FHIT: variants seen among roughly 807,000 people sequenced by gnomAD.
FHIT encodes fragile histidine triad diadenosine triphosphatase.
A neutral mutation model predicts 17.9 loss-of-function variants in FHIT; 19 were observed. That is an observed-to-expected ratio of 1.06 (90% CI 0.74 to 1.56). The LOEUF is 1.56. FHIT is among the 40% of genes most tolerant of loss of function. FHIT has a pLI of 0.00. For missense variants in FHIT, 248 were observed against 189.2 expected, an observed-to-expected ratio of 1.31 and a Z score of -1.82; for synonymous variants, 81 against 69.7, an observed-to-expected ratio of 1.16 and a Z score of -0.81.
At chr3:60,513,600 A>C (rs1375187833) in intron 5 of FHIT, among the ~76,000 whole-genome samples, 1 of 152,180 alleles carries the variant, frequency 6.6e-6, no homozygotes, top group Non-Finnish European at 1.5e-5. Flanking sequence ...ATCCTCAGCA[A>C]ACACACACAG....
chr3:59,842,227 C>A lies in FHIT; in HGVS notation c.348+80119G>T, dbSNP rs1278273596. Reference sequence around the variant, plus strand: ...CTCCAGATTCATCCATATCATAGCACTTATCAGGATTTCCCCTTTTTCAAG... The same window carrying A: ...CTCCAGATTCATCCATATCATAGCAATTATCAGGATTTCCCCTTTTTCAAG... On this transcript the variant is annotated intron_variant, in intron 8 of 9. Transcript: ENST00000492590. Among the ~76,000 whole-genome samples, 2 of 152,152 alleles carry A rather than the reference C, an allele frequency of 1.3e-5. 1 individual carries two copies. Among genetic ancestry groups the A allele is most frequent in the Middle Eastern group, 6.3e-3 (2 of 316 alleles).
Position 60,014,087 on chromosome 3 carries a change from C to T in FHIT, c.169G>A (p.Asp57Asn), listed in dbSNP as rs375883257. 92 of 1,614,012 alleles carry T rather than the reference C, an allele frequency of 5.7e-5. No homozygotes were observed. Among genetic ancestry groups the T allele is most frequent in the African/African-American group, 5.6e-4 (42 of 75,022 alleles). ...ACTCTCTGGGTCGTCTGAAACAAATCGGCCACTTCATCAGGACGCAGGTCA... is the reference window on the plus strand; with the variant it reads ...ACTCTCTGGGTCGTCTGAAACAAATTGGCCACTTCATCAGGACGCAGGTCA... ...FHDLRPDEVA[D>N]LFQTTQRVGT... The change falls in exon 6 of 10, where the codon GAT becomes AAT. Residue 57 changes from aspartate (D) to asparagine (N), a missense_variant. Physicochemically the swap from Asp to Asn is conservative, Grantham distance 23. Transcript: ENST00000492590.
At chr3:60,195,576 T>C (rs1183055512) in intron 5 of FHIT, among the ~76,000 whole-genome samples, 1 of 103,386 alleles carries the variant, frequency 9.7e-6, no homozygotes, top group South Asian at 3.3e-4. Flanking sequence ...TTTATATAAT[T>C]ATATTTATAT....
At chr3:60,035,508 C>T (rs751878730) in intron 5 of FHIT, among the ~76,000 whole-genome samples, 1 of 152,290 alleles carries the variant, frequency 6.6e-6, no homozygotes. Flanking sequence ...GCGTGAGCCA[C>T]CACACCCAGC....
At chr3:60,077,202 G>T (rs1055549851) in intron 5 of FHIT, among the ~76,000 whole-genome samples, 6 of 151,964 alleles carry the variant, frequency 3.9e-5, no homozygotes, top group Non-Finnish European at 8.8e-5. Flanking sequence ...TTACAGGATT[G>T]AAAGCATCAC....
chr3:60,873,711 T>G lies in FHIT; in HGVS notation c.-110-51700A>C, dbSNP rs140124534. 4.7e-4 allele frequency among the ~76,000 whole-genome samples: 71 copies of G among 152,332 alleles called. 1 individual carries two copies. The East Asian group carries it at 0.012, about 26-fold the overall frequency. ...ACTGGCTGATAGCTGTAAAGTCCTT[T>G]GAAGGAACAAGCACTGTTTAAAATT... On this transcript the variant is annotated intron_variant, in intron 3 of 9. Coordinates refer to ENST00000492590, the MANE Select transcript of FHIT (RefSeq NM_002012.4).
At chr3:61,049,238 G>C (rs1327595169) in intron 2 of FHIT, among the ~76,000 whole-genome samples, 1 of 150,190 alleles carries the variant, frequency 6.7e-6, no homozygotes, top group African/African-American at 2.4e-5. Context: ...GGTAACCAAT[G>C]TTACCAAATA....
chr3:60,601,296 G>GC (rs2038438656), intron 4 of FHIT, among the ~76,000 whole-genome samples: 1 of 152,156 alleles, frequency 6.6e-6, no homozygotes, highest in Admixed American at 6.5e-5. Context: ...ATGTTTCAGA[G>GC]CTGCCTGAAA....
At chr3:60,571,356 A>T (rs1275448362) in intron 4 of FHIT, among the ~76,000 whole-genome samples, 2 of 143,042 alleles carry the variant, frequency 1.4e-5, no homozygotes, top group East Asian at 4.5e-4. Flanking sequence ...AAAAAAAAAA[A>T]AAAAAAAGAA....
intron 8 of FHIT, among the ~76,000 whole-genome samples, chr3:59,791,245 G>A (rs952341707): frequency 1.3e-5 from 2 of 152,160 alleles, no homozygotes; most frequent in African/African-American, 4.8e-5. Flanking sequence ...CATGGTTATT[G>A]GCTCAGCAAT....
chr3:59,827,538 G>A (rs1701018685), intron 8 of FHIT, among the ~76,000 whole-genome samples: 1 of 152,178 alleles, frequency 6.6e-6, no homozygotes, highest in African/African-American at 2.4e-5. Context: ...GATACTGCGA[G>A]CAGCTATGCT....
At chr3:60,255,568 A>C (rs1221609846) in intron 5 of FHIT, among the ~76,000 whole-genome samples, 1 of 152,158 alleles carries the variant, frequency 6.6e-6, no homozygotes, top group Non-Finnish European at 1.5e-5. Context: ...GAGTAGCTGG[A>C]ATCACTTATT....
At chr3:59,914,624 C>T (rs985977200) in intron 8 of FHIT, among the ~76,000 whole-genome samples, 1 of 152,112 alleles carries the variant, frequency 6.6e-6, no homozygotes, top group Admixed American at 6.5e-5. Context: ...TTTTTATCTT[C>T]TGTTTCCCCC....
At chr3:60,064,648 T>C (rs900781819) in intron 5 of FHIT, among the ~76,000 whole-genome samples, 1 of 152,204 alleles carries the variant, frequency 6.6e-6, no homozygotes, top group African/African-American at 2.4e-5. Context: ...AAAGTTTGCA[T>C]GTGCACATAC....
At chr3:60,861,769 C>A (rs1553752685) in intron 3 of FHIT, among the ~76,000 whole-genome samples, 1 of 151,262 alleles carries the variant, frequency 6.6e-6, no homozygotes, top group African/African-American at 2.4e-5. Context: ...TATAGGAGAC[C>A]AAAAAACAAA....
At chr3:60,871,826 T>A (rs1704429358) in intron 3 of FHIT, among the ~76,000 whole-genome samples, 1 of 151,976 alleles carries the variant, frequency 6.6e-6, no homozygotes, top group Admixed American at 6.6e-5. Context: ...TATTTATTTA[T>A]TTATTTATTT....
chr3:59,908,049 G>C, intron 8 of FHIT, among the ~76,000 whole-genome samples: 1 of 152,112 alleles, frequency 6.6e-6, no homozygotes, highest in East Asian at 1.9e-4. Flanking sequence ...TCTTAAAGTT[G>C]GCTGACTAGC....
chr3:60,431,369 G>A (rs1371305720), intron 5 of FHIT, among the ~76,000 whole-genome samples: 1 of 151,930 alleles, frequency 6.6e-6, no homozygotes, highest in Non-Finnish European at 1.5e-5. Flanking sequence ...TAGCAAAGCA[G>A]GGGCTCTCCC....
At chr3:60,410,645 G>A (rs1276021729) in intron 5 of FHIT, among the ~76,000 whole-genome samples, 2 of 152,044 alleles carry the variant, frequency 1.3e-5, no homozygotes, top group East Asian at 1.9e-4. Flanking sequence ...AAAATGCAGA[G>A]TCAAATTTCC....
Sources: allele counts gnomAD v4.1 joint callset (sites outside exome capture counted in the v4.1 genomes callset), GRCh38; gene constraint gnomAD v4.1.1; transcripts MANE v1.5; gene names NCBI Gene and HGNC (gene_info 2026-07-23, HGNC 2026-07-21).